NFASC: variants seen among roughly 807,000 people sequenced by gnomAD.
The protein encoded by NFASC is neurofascin homolog.
A neutral mutation model predicts 147.5 loss-of-function variants in NFASC; 43 were observed. That is an observed-to-expected ratio of 0.29 (90% confidence interval 0.23 to 0.38). The LOEUF (loss-of-function observed/expected upper bound fraction) is 0.38, where lower values mean the gene tolerates loss of function less well. Among genes scored for constraint, NFASC ranks in the 10% least tolerant of loss-of-function variants. NFASC has a pLI of 1.00. For missense variants in NFASC, 1,320 were observed against 1,689.0 expected, an observed-to-expected ratio of 0.78 and a Z score of 3.83; for synonymous variants, 622 against 665.5, an observed-to-expected ratio of 0.93 and a Z score of 1.01.
intron 21 of NFASC, chr1:204,985,869 C>T (rs1285569178): frequency 7.0e-7 from 1 of 1,422,134 alleles, no homozygotes; most frequent in African/African-American, 1.4e-5. Context: ...TAACCCAGCC[C>T]TGCCTGCCTG....
At chr1:204,995,750 TG>T (rs1326164253) in intron 24 of NFASC, among the ~76,000 whole-genome samples, 1 of 152,084 alleles carries the variant, frequency 6.6e-6, no homozygotes, top group African/African-American at 2.4e-5. Flanking sequence ...GGGCTTTTGC[TG>T]GGCAGGCTCT....
intron 8 of NFASC, among the ~76,000 whole-genome samples, chr1:204,967,319 A>G (rs1313985029): frequency 6.6e-6 from 1 of 152,042 alleles, no homozygotes; most frequent in Non-Finnish European, 1.5e-5. Context: ...CCATTCCCCT[A>G]GAGCTATACA....
chr1:204,985,428 CG>C (rs1434577991), intron 21 of NFASC, among the ~76,000 whole-genome samples: 13 of 152,288 alleles, frequency 8.5e-5, no homozygotes, highest in South Asian at 2.1e-4. Flanking sequence ...TTCAGACTTC[CG>C]GGGGTAACTT....
intron 1 of NFASC, among the ~76,000 whole-genome samples, chr1:204,914,328 C>T (rs2088589062): frequency 6.6e-6 from 1 of 152,166 alleles, no homozygotes; most frequent in Non-Finnish European, 1.5e-5. Context: ...GGGGCAGTTT[C>T]CTCCATGCTA....
chr1:204,907,418 A>G (rs1412483979), intron 1 of NFASC, among the ~76,000 whole-genome samples: 1 of 152,086 alleles, frequency 6.6e-6, no homozygotes, highest in Non-Finnish European at 1.5e-5. Flanking sequence ...TCATCCTCTT[A>G]GTAATGTCTC....
At chr1:205,003,735 T>G (rs1402237153) in intron 27 of NFASC, among the ~76,000 whole-genome samples, 2 of 152,214 alleles carry the variant, frequency 1.3e-5, no homozygotes, top group Non-Finnish European at 2.9e-5. Context: ...TTCTGAATGT[T>G]GACTTAAATA....
At chr1:204,840,929 C>T (rs890495473) in intron 1 of NFASC, among the ~76,000 whole-genome samples, 4 of 152,182 alleles carry the variant, frequency 2.6e-5, no homozygotes, top group Non-Finnish European at 5.9e-5. Flanking sequence ...GATACTAATG[C>T]CCACTTAATA....
chr1:205,018,213 A>T lies in NFASC; in HGVS notation c.*1674A>T, dbSNP rs2096376880. The T allele has an allele frequency of 6.6e-6, 1 of 152,538 alleles. No individual in the cohort carries two copies. The highest frequency in any genetic ancestry group is 2.4e-5 in the African/African-American group (1 of 41,468). The allele number at this position is 152,538 out of a possible 1,614,324, so 9.4% of individuals were successfully genotyped here. A position where few individuals can be genotyped will look rare whatever the true frequency, so the allele number is the denominator to read the frequency against. On this transcript the variant is annotated 3_prime_UTR_variant, in exon 30 of 30. Coordinates refer to ENST00000339876, the MANE Select transcript of NFASC (RefSeq NM_001005388.3). Reference sequence around the variant, plus strand: ...TGTTTCTGCAGCTGAGGTCAGTTTCAGGAGGGTGAAGCTGATCCCCAGGAA... The same window carrying T: ...TGTTTCTGCAGCTGAGGTCAGTTTCTGGAGGGTGAAGCTGATCCCCAGGAA...
intron 1 of NFASC, among the ~76,000 whole-genome samples, chr1:204,906,381 C>T (rs1441871916): frequency 6.6e-6 from 1 of 152,160 alleles, no homozygotes; most frequent in African/African-American, 2.4e-5. Context: ...TCCCCTTAAT[C>T]CCAACTCTGG....
At chr1:204,950,680 C>T in intron 4 of NFASC, 106 bp downstream of exon 4, 1 of 1,003,192 alleles carries the variant, frequency 1.0e-6, no homozygotes, top group Non-Finnish European at 1.6e-6. Context: ...CTGCTGGGGC[C>T]TCTTCATACC....
Position 204,997,421 on chromosome 1 carries a change from C to T in NFASC, c.3019+15C>T. Reference sequence around the variant, plus strand: ...ACACGAATCCGGTACTGCGCATCGCCCATGCTCCCCATCCCCTCCTGGCCC... The same window carrying T: ...ACACGAATCCGGTACTGCGCATCGCTCATGCTCCCCATCCCCTCCTGGCCC... On this transcript the variant is annotated intron_variant, in intron 25 of 29. Coordinates refer to ENST00000339876, the MANE Select transcript of NFASC (RefSeq NM_001005388.3). The T allele has an allele frequency of 1.3e-6, 2 of 1,551,796 alleles. No individual in the cohort carries two copies. Among genetic ancestry groups the T allele is most frequent in the Non-Finnish European group, 1.7e-6 (2 of 1,146,954 alleles).
At chr1:204,879,507 A>G (rs1393928495) in intron 1 of NFASC, among the ~76,000 whole-genome samples, 1 of 152,192 alleles carries the variant, frequency 6.6e-6, no homozygotes, top group Non-Finnish European at 1.5e-5. Context: ...AGGGAGGACC[A>G]AGGGGTGGGA....
At chr1:204,879,343 C>T (rs1009869251) in intron 1 of NFASC, among the ~76,000 whole-genome samples, 6 of 152,132 alleles carry the variant, frequency 3.9e-5, no homozygotes, top group African/African-American at 1.2e-4. Context: ...TACTCGTCTC[C>T]CCCGCAAAAC....
chr1:204,922,358 G>A (rs894119030), intron 2 of NFASC, among the ~76,000 whole-genome samples: 2 of 152,266 alleles, frequency 1.3e-5, no homozygotes, highest in African/African-American at 2.4e-5. Context: ...CCCTGGAGTC[G>A]TGCCCTGCCA....
chr1:204,916,466 A>T (rs181457483), intron 1 of NFASC, among the ~76,000 whole-genome samples: 3 of 152,242 alleles, frequency 2.0e-5, no homozygotes, highest in African/African-American at 7.2e-5. Flanking sequence ...TGATCTCTAC[A>T]GCAATCCTAT....
chr1:204,868,893 C>T (rs2077338751), intron 1 of NFASC, among the ~76,000 whole-genome samples: 1 of 152,226 alleles, frequency 6.6e-6, no homozygotes, highest in East Asian at 1.9e-4. Flanking sequence ...TCTCCATTAA[C>T]CCCTCTGTAC....
chr1:204,841,571 C>A (rs970534831), intron 1 of NFASC, among the ~76,000 whole-genome samples: 1 of 152,140 alleles, frequency 6.6e-6, no homozygotes, highest in African/African-American at 2.4e-5. Context: ...GAGGCTGTGA[C>A]ATCTTCCCCA....
chr1:204,961,011 C>T (rs910143550), intron 8 of NFASC, among the ~76,000 whole-genome samples: 1 of 152,186 alleles, frequency 6.6e-6, no homozygotes, highest in Non-Finnish European at 1.5e-5. Context: ...GGCAGAGCCC[C>T]TGTTGTCCCT....
chr1:204,878,032 A>G (rs2079393905), intron 1 of NFASC, among the ~76,000 whole-genome samples: 1 of 152,114 alleles, frequency 6.6e-6, no homozygotes, highest in Non-Finnish European at 1.5e-5. Flanking sequence ...CTTTCTTTTC[A>G]GTGTATCTAG....
Sources: gnomAD v4.1 joint callset for allele counts (sites outside exome capture counted in the v4.1 genomes callset) on GRCh38, gnomAD v4.1.1 for gene constraint, MANE v1.5 for transcripts, NCBI Gene and HGNC (gene_info 2026-07-23, HGNC 2026-07-21) for gene names.